NPAT: variants seen among roughly 807,000 people sequenced by gnomAD.
NPAT encodes the protein nuclear protein, coactivator of histone transcription, also known as protein NPAT.
Under a neutral mutation model 130.7 loss-of-function variants are expected in NPAT, and 52 were observed. The observed-to-expected ratio is 0.40, with a 90% CI of 0.32 to 0.50. NPAT has a LOEUF of 0.50. Ranked by LOEUF, NPAT falls within the 20% of genes least tolerant of loss-of-function variation. The pLI, the probability that NPAT is intolerant of heterozygous loss-of-function variation, is 0.68. For synonymous variants in NPAT, 580 were observed against 584.8 expected (o/e 0.99, Z 0.12); for missense variants, 1,687 against 1,662.6 (o/e 1.01, Z -0.26).
At chr11:108,188,326 A>G (rs933033281) in intron 6 of NPAT, 147 bp from the exon 7 acceptor site, 1 of 677,008 alleles carries the variant, frequency 1.5e-6, no homozygotes. Flanking sequence ...AGCATGGTAA[A>G]AGACACTAAG....
rs536341947 is a variant in NPAT, at chr11:108,167,599, G to T, written c.3010+2145C>A. ...GTGGAAGTATAATCAGATGTCAGTGGGGCAAAAAACTGATTACTTAATAAT... is the reference window on the plus strand; with the variant it reads ...GTGGAAGTATAATCAGATGTCAGTGTGGCAAAAAACTGATTACTTAATAAT... On this transcript the variant is annotated intron_variant, in intron 15 of 17. Transcript: ENST00000278612. 2.8e-4 allele frequency among the ~76,000 whole-genome samples: 43 copies of T among 152,188 alleles called. 1 individual carries two copies. The South Asian group carries it at 8.9e-3, about 32-fold the overall frequency.
intron 1 of NPAT, among the ~76,000 whole-genome samples, chr11:108,210,797 C>A (rs967880306): frequency 1.3e-5 from 2 of 152,202 alleles, no homozygotes; most frequent in Non-Finnish European, 2.9e-5. Flanking sequence ...GAATGAAACA[C>A]CAATCCTTTA....
intron 13 of NPAT, among the ~76,000 whole-genome samples, chr11:108,170,506 A>G (rs1280620388): frequency 6.6e-6 from 1 of 152,010 alleles, no homozygotes; most frequent in African/African-American, 2.4e-5. Flanking sequence ...ACATATCTCA[A>G]TGGTATTGAT....
At chr11:108,215,854 G>C (rs1003375831) in intron 1 of NPAT, among the ~76,000 whole-genome samples, 1 of 152,138 alleles carries the variant, frequency 6.6e-6, no homozygotes, top group African/African-American at 2.4e-5. Flanking sequence ...GAAAGCATTT[G>C]GATATCTGAA....
chr11:108,189,227 T>A lies in NPAT; in HGVS notation c.435A>T (p.Gly145=). The stretch of plus-strand genomic sequence containing the variant: ...CTGTGGAAGGAGGAGTGGTAAACTG[T>A]CCTGAAAGGTAAGGTAAAGTGAGCA... ...AELLTLPYLS[G]QFTTPPSTGT... The change falls in exon 6 of 18, where the codon GGA becomes GGT. Residue 145 remains glycine, a synonymous_variant. Coordinates refer to ENST00000278612, the MANE Select transcript of NPAT (RefSeq NM_002519.3). 6.2e-7 allele frequency: 1 copy of A among 1,614,168 alleles called. No individual in the cohort carries two copies. Among genetic ancestry groups the A allele is most frequent in the Non-Finnish European group, 8.5e-7 (1 of 1,180,002 alleles).
rs1341381249 is a variant in NPAT, at chr11:108,172,609, G to C, written c.2375C>G (p.Ser792Ter). 1 of 1,614,170 alleles carries C rather than the reference G, an allele frequency of 6.2e-7. No homozygotes were observed. The highest frequency in any genetic ancestry group is 1.1e-5 in the South Asian group (1 of 91,080). The change falls in exon 13 of 18, where the codon TCA (serine) becomes TGA (stop). Residue 792 changes from serine (S) to a stop codon, truncating the protein, a stop_gained. Transcript: ENST00000278612. LOFTEE classifies it high-confidence loss of function. ...TACAACAGCACCTACAGTTTCTTCT[G>C]AAGATAGGCATTTAACTAGTTCTGC... is the stretch of plus-strand genomic sequence containing the variant. ...KNAELVKCLS[S>*]EETVGAVVYA...
chr11:108,183,998 T>C (rs1203629124), intron 10 of NPAT, among the ~76,000 whole-genome samples: 1 of 150,960 alleles, frequency 6.6e-6, no homozygotes, highest in Non-Finnish European at 1.5e-5. Flanking sequence ...AATTAAAGGA[T>C]AGTTGCACAT....
At chr11:108,192,940 C>A (rs1007831040) in intron 3 of NPAT, among the ~76,000 whole-genome samples, 2 of 150,698 alleles carry the variant, frequency 1.3e-5, no homozygotes, top group Admixed American at 6.6e-5. Context: ...GGCAACAGAG[C>A]GAGACTCCCG....
chr11:108,194,050 T>G, intron 2 of NPAT, 33 bp from the exon 3 acceptor site: 2 of 1,066,828 alleles, frequency 1.9e-6, no homozygotes. Flanking sequence ...TTACCAAAAT[T>G]GTATAATACT....
At chr11:108,192,669 TGA>T (rs552775583) in intron 3 of NPAT, among the ~76,000 whole-genome samples, 152 of 152,116 alleles carry the variant, frequency 1.0e-3, no homozygotes, top group Non-Finnish European at 1.4e-3. Flanking sequence ...AAAGACTAAA[TGA>T]GAGGCCGGGC....
At chr11:108,182,084 A>T (rs549044995) in intron 10 of NPAT, among the ~76,000 whole-genome samples, 1 of 152,104 alleles carries the variant, frequency 6.6e-6, no homozygotes, top group East Asian at 1.9e-4. Context: ...TTGCATAGAG[A>T]GAGCTGTGTC....
chr11:108,197,050 G>C (rs748602355), intron 2 of NPAT, among the ~76,000 whole-genome samples: 4 of 152,116 alleles, frequency 2.6e-5, no homozygotes, highest in Non-Finnish European at 5.9e-5. Flanking sequence ...CAGCAGCAGC[G>C]AAACTAATCA....
intron 13 of NPAT, 121 bp downstream of exon 13, chr11:108,172,078 T>C: frequency 2.3e-6 from 2 of 858,732 alleles, no homozygotes; most frequent in Non-Finnish European, 3.9e-6. Context: ...ATCACAAATT[T>C]CAGAATCTTT....
intron 7 of NPAT, among the ~76,000 whole-genome samples, chr11:108,187,274 G>T (rs2078116389): frequency 6.6e-6 from 1 of 152,002 alleles, no homozygotes; most frequent in Non-Finnish European, 1.5e-5. Flanking sequence ...AACAAAGTGA[G>T]ACCCCCATCT....
rs372552435 is a variant in NPAT at position 108,173,556 on chromosome 11, G to C, written c.1428C>G (p.Ser476=). 1 of 1,614,152 alleles carries C rather than the reference G, an allele frequency of 6.2e-7. No individual in the cohort carries two copies. The highest frequency in any genetic ancestry group is 8.5e-7 in the Non-Finnish European group (1 of 1,180,014). ...TCCCTATAGCCATTTCAGTTTCAGT[G>C]GACATCTGATTGGTGTATAATTCAG... ...HCAELYTNQM[S]TETEMAIGIE... is the part of the protein sequence containing the mutation. Residue 476 remains serine (S), a synonymous_variant, in exon 13 of 18, where the codon TCC becomes TCG. Coordinates refer to ENST00000278612, the MANE Select transcript of NPAT (RefSeq NM_002519.3).
chr11:108,188,241 T>A, intron 6 of NPAT, 62 bp from the exon 7 acceptor site: 1 of 1,220,000 alleles, frequency 8.2e-7, no homozygotes, highest in Non-Finnish European at 1.2e-6. Context: ...AAACTTGTAA[T>A]GGGATAAAAA....
chr11:108,183,090 C>T (rs894102476), intron 10 of NPAT, among the ~76,000 whole-genome samples: 4 of 152,110 alleles, frequency 2.6e-5, no homozygotes, highest in Non-Finnish European at 2.9e-5. Flanking sequence ...AAGTGATCCT[C>T]CCATTTCAGC....
At chr11:108,196,547 G>A (rs966422298) in intron 2 of NPAT, among the ~76,000 whole-genome samples, 1 of 152,152 alleles carries the variant, frequency 6.6e-6, no homozygotes, top group African/African-American at 2.4e-5. Context: ...ACAATATTGA[G>A]TCTCTCAATT....
intron 1 of NPAT, among the ~76,000 whole-genome samples, chr11:108,215,825 A>G (rs1377199966): frequency 6.6e-6 from 1 of 152,230 alleles, no homozygotes; most frequent in Non-Finnish European, 1.5e-5. Flanking sequence ...ATCAAAAACC[A>G]AAGGCATTGT....
Sources: allele counts gnomAD v4.1 joint callset (sites outside exome capture counted in the v4.1 genomes callset), GRCh38; gene constraint gnomAD v4.1.1; transcripts MANE v1.5; gene names NCBI Gene and HGNC (gene_info 2026-07-23, HGNC 2026-07-21).